The following ZNF496 variants were observed in gnomAD, a reference collection of about 807,000 sequenced individuals.
ZNF496 encodes the protein NSD1 (nuclear receptor binding SET-domain containing 1)-interacting zinc finger protein 1.
In ZNF496, 11 loss-of-function variants were observed where a neutral mutation model predicts 58.9. The observed-to-expected ratio is 0.19, with a 90% CI of 0.12 to 0.31. The LOEUF is 0.31. Ranked by LOEUF, ZNF496 falls within the 10% of genes least tolerant of loss-of-function variation. The probability of loss-of-function intolerance (pLI) is 1.00; values close to 1 mark genes in which losing one functional copy is unlikely to be tolerated. For synonymous variants in ZNF496, 338 were observed against 318.2 expected, an observed-to-expected ratio of 1.06 and a Z score of -0.66; for missense variants, 660 against 783.0, an observed-to-expected ratio of 0.84 and a Z score of 1.88.
intron 6 of ZNF496, among the ~76,000 whole-genome samples, chr1:247,316,331 G>C (rs1659781416): frequency 1.3e-5 from 2 of 152,068 alleles, no homozygotes; most frequent in African/African-American, 2.4e-5. Context: ...TTAGGTGTTT[G>C]AGGATCTACT....
At chr1:247,323,830 AG>A (rs1660033922) in intron 5 of ZNF496, among the ~76,000 whole-genome samples, 1 of 151,976 alleles carries the variant, frequency 6.6e-6, no homozygotes, top group Non-Finnish European at 1.5e-5. Flanking sequence ...AAGGACTCTT[AG>A]GGTCTGGATG....
chr1:247,324,502 G>C (rs1660060716), intron 5 of ZNF496, among the ~76,000 whole-genome samples: 1 of 151,430 alleles, frequency 6.6e-6, no homozygotes, highest in Non-Finnish European at 1.5e-5. Context: ...AGGTATATGA[G>C]GTAATGCATT....
intron 9 of ZNF496, chr1:247,307,595 G>T: frequency 1.0e-6 from 1 of 985,402 alleles, no homozygotes; most frequent in Non-Finnish European, 1.2e-6. Context: ...TGCTTGTGGA[G>T]CAGGATCTCA....
chr1:247,328,837 A>T lies in ZNF496; in HGVS notation c.420T>A (p.Ile140=). Residue 140 remains isoleucine, a synonymous_variant, in exon 5 of 10, where the codon ATT becomes ATA. Transcript: ENST00000682384. ...WLKHCEDPVV[I]DDGDSPLDQE... ...GGTCCAGAGGGCTGTCCCCATCATCAATCACCACAGGGTCTTCACAGTGCT... is the reference window on the plus strand; with the variant it reads ...GGTCCAGAGGGCTGTCCCCATCATCTATCACCACAGGGTCTTCACAGTGCT... 1 of 1,608,496 alleles carries T rather than the reference A, an allele frequency of 6.2e-7. No individual in the cohort carries two copies. The highest frequency in any genetic ancestry group is 8.5e-7 in the Non-Finnish European group (1 of 1,177,576).
Position 247,300,691 on chromosome 1 carries a change from A to G in ZNF496, c.1592T>C (p.Phe531Ser). Reference protein sequence around the residue: ...SFQCCECGKAFQRHDHLARHR... With the variant: ...SFQCCECGKASQRHDHLARHR... Reference sequence around the variant, plus strand: ...CCGAGCCAGGTGGTCGTGCCGCTGGAAGGCCTTCCCACACTCACAGCACTG... The same window carrying G: ...CCGAGCCAGGTGGTCGTGCCGCTGGGAGGCCTTCCCACACTCACAGCACTG... Residue 531 changes from phenylalanine to serine, a missense_variant, in exon 10 of 10, where the codon TTC becomes TCC. Physicochemically the swap from Phe to Ser is radical, Grantham distance 155. Transcript: ENST00000682384. This position sits in a 1 kb window ranked among gnomAD's most constrained non-coding sequence, Gnocchi z 5.7. 1 of 1,614,018 alleles carries G rather than the reference A, an allele frequency of 6.2e-7. No homozygotes were observed. The highest frequency in any genetic ancestry group is 8.5e-7 in the Non-Finnish European group (1 of 1,180,018).
intron 9 of ZNF496, chr1:247,307,462 G>C (rs552927648): frequency 1.0e-6 from 1 of 985,410 alleles, no homozygotes; most frequent in Admixed American, 6.1e-5. Context: ...AAAGAAGCTA[G>C]AGAAGATTCA....
At chr1:247,305,141 A>G (rs1381918715) in intron 9 of ZNF496, among the ~76,000 whole-genome samples, 2 of 152,102 alleles carry the variant, frequency 1.3e-5, no homozygotes, top group Admixed American at 6.6e-5. Context: ...ATGACGACAT[A>G]TGGGTGGGTG....
intron 6 of ZNF496, among the ~76,000 whole-genome samples, chr1:247,320,869 A>G (rs894440912): frequency 6.6e-6 from 1 of 152,180 alleles, no homozygotes; most frequent in Non-Finnish European, 1.5e-5. Flanking sequence ...GTATTATTCA[A>G]CCTTAAAAAG....
At chr1:247,320,010 A>G (rs1277228340) in intron 6 of ZNF496, among the ~76,000 whole-genome samples, 1 of 152,218 alleles carries the variant, frequency 6.6e-6, no homozygotes. Flanking sequence ...AAAAGGATGG[A>G]ATAAATATAT....
chr1:247,298,996 C>T lies in ZNF496; in HGVS notation c.*1523G>A, dbSNP rs1659157470. The T allele has an allele frequency of 6.6e-6, 1 of 152,126 alleles. No individual in the cohort carries two copies. The highest frequency in any genetic ancestry group is 2.1e-4 in the South Asian group (1 of 4,824). The allele number at this position is 152,126 out of a possible 1,614,324, so 9.4% of individuals were successfully genotyped here. ...ATTCTTCCATGCAGAGGACACCTGC[C>T]CTAAATGCTGAAACTTGGGTCTGAA... On this transcript the variant is annotated 3_prime_UTR_variant, in exon 10 of 10. Coordinates refer to ENST00000682384, the MANE Select transcript of ZNF496 (RefSeq NM_032752.3).
At chr1:247,318,434 G>A (rs890699503) in intron 6 of ZNF496, among the ~76,000 whole-genome samples, 1 of 152,116 alleles carries the variant, frequency 6.6e-6, no homozygotes, top group African/African-American at 2.4e-5. Context: ...ACAAGACACA[G>A]CATAATTTAA....
chr1:247,316,297 G>A (rs1659780854), intron 6 of ZNF496, among the ~76,000 whole-genome samples: 1 of 151,890 alleles, frequency 6.6e-6, no homozygotes, highest in Non-Finnish European at 1.5e-5. Flanking sequence ...AACAGATTTG[G>A]ATGCTTTTTC....
chr1:247,322,290 AAAAAT>A (rs1231425897), intron 6 of ZNF496, among the ~76,000 whole-genome samples: 1 of 152,194 alleles, frequency 6.6e-6, no homozygotes, highest in African/African-American at 2.4e-5. Flanking sequence ...CTCTAAAAAT[AAAAAT>A]AAAATAAAGT....
Position 247,300,500 on chromosome 1 carries a change from C to G in ZNF496, c.*19G>C. The stretch of plus-strand genomic sequence containing the variant: ...GGGGGCAGCACCAGCCAGGGTGAGG[C>G]CGCCCCAGGCGGAGAGGCTCAGTAG... On this transcript the variant is annotated 3_prime_UTR_variant, in exon 10 of 10. Transcript: ENST00000682384. This position sits in a 1 kb window ranked among gnomAD's most constrained non-coding sequence, Gnocchi z 5.7. 1 of 1,582,904 alleles carries G rather than the reference C, an allele frequency of 6.3e-7. No homozygotes were observed. Among genetic ancestry groups the G allele is most frequent in the Non-Finnish European group, 8.6e-7 (1 of 1,161,946 alleles).
Position 247,323,710 on chromosome 1 carries a change from C to T in ZNF496, c.575-480G>A, listed in dbSNP as rs372467749. Among the ~76,000 whole-genome samples, 4 of 151,468 alleles carry T rather than the reference C, an allele frequency of 2.6e-5. No individual in the cohort carries two copies. The South Asian group carries it at 6.3e-4, about 24-fold the overall frequency. On this transcript the variant is annotated intron_variant, in intron 5 of 9. Coordinates refer to ENST00000682384, the MANE Select transcript of ZNF496 (RefSeq NM_032752.3). Reference sequence around the variant, plus strand: ...GACTGAGGTGGGAGAATCACTTGAGCCCAGGAGTTCCAGACCAGCAGGGAC... The same window carrying T: ...GACTGAGGTGGGAGAATCACTTGAGTCCAGGAGTTCCAGACCAGCAGGGAC...
chr1:247,305,208 G>C (rs1023061938), intron 9 of ZNF496, among the ~76,000 whole-genome samples: 3 of 152,172 alleles, frequency 2.0e-5, no homozygotes, highest in Non-Finnish European at 2.9e-5. Context: ...ACGGGAGGCA[G>C]AGGTTGCAGT....
At chr1:247,322,939 T>C in intron 6 of ZNF496, 1 of 749,214 alleles carries the variant, frequency 1.3e-6, no homozygotes, top group Non-Finnish European at 2.1e-6. Flanking sequence ...GAAGGTGGCC[T>C]GATGACAGTA....
intron 6 of ZNF496, chr1:247,311,747 G>C (rs190060350): frequency 0.01 from 117 of 11,374 alleles, no homozygotes; most frequent in African/African-American, 0.014. Context: ...CCGCCCCATG[G>C]CAGCCCCTGG....
intron 9 of ZNF496, among the ~76,000 whole-genome samples, chr1:247,303,389 T>C (rs1473191195): frequency 6.6e-6 from 1 of 152,224 alleles, no homozygotes; most frequent in Non-Finnish European, 1.5e-5. Flanking sequence ...TAGACTAACA[T>C]AGACTTTGGC....
Sources: gnomAD v4.1 joint callset for allele counts (sites outside exome capture counted in the v4.1 genomes callset) on GRCh38, gnomAD v4.1.1 for gene constraint, Gnocchi (gnomAD v3.1) non-coding constraint, MANE v1.5 for transcripts, NCBI Gene and HGNC (gene_info 2026-07-23, HGNC 2026-07-21) for gene names.